Variants in VSTM2B observed in about 807,000 individuals in gnomAD.
The protein encoded by VSTM2B is V-set and transmembrane domain-containing protein 2B.
In VSTM2B, 24 loss-of-function variants were observed where a neutral mutation model predicts 24.0. The observed-to-expected ratio is 1.00, with a 90% CI of 0.72 to 1.40. The LOEUF (loss-of-function observed/expected upper bound fraction) is 1.40, where lower values mean the gene tolerates loss of function less well. Ranked by LOEUF, VSTM2B falls within the 40% of genes most tolerant of loss-of-function variation. The pLI, the probability that VSTM2B is intolerant of heterozygous loss-of-function variation, is 0.00. For synonymous variants in VSTM2B, 226 were observed against 194.4 expected (o/e 1.16, Z -1.35); for missense variants, 399 against 416.4 (o/e 0.96, Z 0.36).
chr19:29,550,444 T>C (rs1404214261), intron 4 of VSTM2B, among the ~76,000 whole-genome samples: 1 of 152,020 alleles, frequency 6.6e-6, no homozygotes, highest in Non-Finnish European at 1.5e-5. Context: ...AATCAGTCAA[T>C]CAATCAATGT....
At chr19:29,553,462 G>T (rs1459434413) in intron 4 of VSTM2B, among the ~76,000 whole-genome samples, 4 of 152,192 alleles carry the variant, frequency 2.6e-5, no homozygotes, top group Admixed American at 6.5e-5. Flanking sequence ...AAGGCCAGCA[G>T]CCTCAAAGAT....
chr19:29,555,353 A>G (rs943096409), intron 4 of VSTM2B, among the ~76,000 whole-genome samples: 1 of 152,232 alleles, frequency 6.6e-6, no homozygotes. Context: ...AGTTATTTGA[A>G]ATCAGTGAGA....
chr19:29,529,490 G>A (rs1969675415), intron 3 of VSTM2B, among the ~76,000 whole-genome samples: 1 of 152,210 alleles, frequency 6.6e-6, no homozygotes, highest in African/African-American at 2.4e-5. Context: ...AGGAAGGAGA[G>A]GTGGACTCTG....
intron 4 of VSTM2B, among the ~76,000 whole-genome samples, chr19:29,543,924 C>T (rs1238835861): frequency 6.6e-6 from 1 of 152,104 alleles, no homozygotes; most frequent in Non-Finnish European, 1.5e-5. Context: ...CTTAGAGAGC[C>T]TAGTGTGAGT....
intron 4 of VSTM2B, among the ~76,000 whole-genome samples, chr19:29,561,752 C>T (rs1206740641): frequency 3.3e-5 from 5 of 152,300 alleles, no homozygotes; most frequent in Middle Eastern, 3.4e-3. Flanking sequence ...TCCACACACC[C>T]GAGCCTCAGG....
chr19:29,563,097 A>C (rs928189776), intron 4 of VSTM2B, among the ~76,000 whole-genome samples: 3 of 152,094 alleles, frequency 2.0e-5, no homozygotes, highest in Admixed American at 6.6e-5. Context: ...GAAGCTGTGC[A>C]GTTTAGGCAG....
At chr19:29,542,542 G>A (rs1023173036) in intron 4 of VSTM2B, among the ~76,000 whole-genome samples, 10 of 144,396 alleles carry the variant, frequency 6.9e-5, no homozygotes, top group Admixed American at 6.2e-4. Flanking sequence ...GGTGGGTGGA[G>A]GGATGATGAG....
rs575696050 is a variant in VSTM2B, at chr19:29,562,036, G to A, written c.770-1810G>A. On this transcript the variant is annotated intron_variant, in intron 4 of 4. Coordinates refer to ENST00000335523, the MANE Select transcript of VSTM2B (RefSeq NM_001146339.2). ...TTTGCTGTCCTAACGCTTCTCAGCCGGGGCCCAGAACTGTGTGCAGAAGCG... is the reference window on the plus strand; with the variant it reads ...TTTGCTGTCCTAACGCTTCTCAGCCAGGGCCCAGAACTGTGTGCAGAAGCG... 1.4e-4 allele frequency among the ~76,000 whole-genome samples: 21 copies of A among 152,258 alleles called. No homozygotes were observed. In the South Asian group the frequency reaches 3.9e-3, roughly 29 times the overall value.
chr19:29,542,404 A>G (rs1970043254), intron 4 of VSTM2B, among the ~76,000 whole-genome samples: 1 of 151,606 alleles, frequency 6.6e-6, no homozygotes, highest in Admixed American at 6.6e-5. Flanking sequence ...GATGGATGGG[A>G]GAATGAATGG....
At position 29,560,773 on chromosome 19, in the gene VSTM2B, C is replaced by A. The variant is rs545907730; in HGVS notation, c.770-3073C>A. 5.3e-5 allele frequency among the ~76,000 whole-genome samples: 8 copies of A among 152,306 alleles called. No homozygotes were observed. In the East Asian group the frequency reaches 1.5e-3, roughly 29 times the overall value. On this transcript the variant is annotated intron_variant, in intron 4 of 4. Transcript: ENST00000335523. ...GGTGAGGCTGTGATAGTGCCAATGA[C>A]TAGTTGGGAGTACTTAGAGGCAATT...
rs117711339 is a variant in VSTM2B, at chr19:29,539,377, T to C, written c.769+9087T>C. 1.4e-4 allele frequency among the ~76,000 whole-genome samples: 21 copies of C among 152,006 alleles called. No homozygotes were observed. The East Asian group carries it at 3.5e-3, about 25-fold the overall frequency. ...GAGAAGCTCAGAGGAGAGGCTGGTG[T>C]TTGCAGCACTGGACAGCTGTGTCTC... On this transcript the variant is annotated intron_variant, in intron 4 of 4. Coordinates refer to ENST00000335523, the MANE Select transcript of VSTM2B (RefSeq NM_001146339.2).
intron 4 of VSTM2B, among the ~76,000 whole-genome samples, chr19:29,540,637 T>C (rs1335641873): frequency 6.6e-6 from 1 of 152,216 alleles, no homozygotes; most frequent in African/African-American, 2.4e-5. Flanking sequence ...TCATTGGACT[T>C]GGTACTAGTT....
At chr19:29,558,185 G>A (rs1297224305) in intron 4 of VSTM2B, among the ~76,000 whole-genome samples, 5 of 152,102 alleles carry the variant, frequency 3.3e-5, no homozygotes, top group Non-Finnish European at 1.5e-5. Context: ...AGTCAGAATG[G>A]TGATTATTAA....
At chr19:29,540,837 C>T (rs1236190882) in intron 4 of VSTM2B, among the ~76,000 whole-genome samples, 1 of 152,124 alleles carries the variant, frequency 6.6e-6, no homozygotes, top group South Asian at 2.1e-4. Context: ...GGCTGGTACT[C>T]TAAAGGAGAG....
At chr19:29,552,906 C>T (rs987550272) in intron 4 of VSTM2B, among the ~76,000 whole-genome samples, 2 of 152,186 alleles carry the variant, frequency 1.3e-5, no homozygotes, top group Non-Finnish European at 2.9e-5. Context: ...CCTGGTGGGG[C>T]CTCCCTGCAG....
At position 29,563,845 on chromosome 19, in the gene VSTM2B, G is replaced by C; in HGVS notation, c.770-1G>C. The C allele has an allele frequency of 6.4e-7, 1 of 1,552,240 alleles. No individual in the cohort carries two copies. The highest frequency in any genetic ancestry group is 8.7e-7 in the Non-Finnish European group (1 of 1,147,070). On this transcript the variant is annotated splice_acceptor_variant, in intron 4 of 4. Coordinates refer to ENST00000335523, the MANE Select transcript of VSTM2B (RefSeq NM_001146339.2). LOFTEE classifies it high-confidence loss of function. Reference sequence around the variant, plus strand: ...CTTGCCTGTTTTCTCATCCCCTGCAGGCACCGGCCGTAGCTACACCACAGA... The same window carrying C: ...CTTGCCTGTTTTCTCATCCCCTGCACGCACCGGCCGTAGCTACACCACAGA...
intron 4 of VSTM2B, among the ~76,000 whole-genome samples, chr19:29,562,521 G>A (rs750058688): frequency 6.6e-6 from 1 of 152,228 alleles, no homozygotes; most frequent in Non-Finnish European, 1.5e-5. Flanking sequence ...CTGCAGCCCA[G>A]CTGGTGGGGT....
chr19:29,558,722 G>A (rs944719851), intron 4 of VSTM2B, among the ~76,000 whole-genome samples: 17 of 152,180 alleles, frequency 1.1e-4, no homozygotes, highest in African/African-American at 4.1e-4. Flanking sequence ...GGGGAGGTTA[G>A]GAGGGAGAGC....
intron 4 of VSTM2B, among the ~76,000 whole-genome samples, chr19:29,541,911 GT>G (rs1354424995): frequency 2.6e-5 from 4 of 151,150 alleles, no homozygotes; most frequent in African/African-American, 7.3e-5. Flanking sequence ...GAGTGGACGG[GT>G]AGATGGGTGG....
Sources: allele counts gnomAD v4.1 joint callset (sites outside exome capture counted in the v4.1 genomes callset), GRCh38; gene constraint gnomAD v4.1.1; transcripts MANE v1.5; gene names NCBI Gene and HGNC (gene_info 2026-07-23, HGNC 2026-07-21).